RSRC1: variants seen among roughly 807,000 people sequenced by gnomAD.
RSRC1 encodes the protein arginine and serine rich coiled-coil 1, also known as serine/Arginine-related protein 53.
RSRC1 carries 39 observed loss-of-function variants against 49.1 expected under a neutral mutation model. The ratio of observed to expected loss-of-function variants is 0.79; its 90% CI spans 0.61 to 1.04. The LOEUF (loss-of-function observed/expected upper bound fraction) is 1.04. Among genes scored for constraint, RSRC1 ranks in the 50% least tolerant of loss-of-function variants. The probability of loss-of-function intolerance (pLI) is 0.00; values close to 1 mark genes in which losing one functional copy is unlikely to be tolerated. For synonymous variants in RSRC1, 143 were observed against 130.8 expected (o/e 1.09, Z -0.63); for missense variants, 388 against 402.4 (o/e 0.96, Z 0.31).
Position 158,123,986 on chromosome 3 carries a change from A to C in RSRC1, c.315A>C (p.Thr105=). Residue 105 remains threonine, a synonymous_variant, in exon 3 of 10, where the codon ACA becomes ACC. Transcript: ENST00000611884. ...AGAGGTCTAGGTCAAAAAGCAGAAC[A>C]AGAAGGTATGCCTTATTAAGTATTT... ...RVQRSRSKSR[T]RRSRSRPRLR... 6.3e-7 allele frequency: 1 copy of C among 1,594,478 alleles called. No homozygotes were observed. The highest frequency in any genetic ancestry group is 8.5e-7 in the Non-Finnish European group (1 of 1,171,138).
At chr3:158,229,189 CAT>C (rs1254326154) in intron 4 of RSRC1, among the ~76,000 whole-genome samples, 2 of 110,872 alleles carry the variant, frequency 1.8e-5, no homozygotes, top group Non-Finnish European at 4.0e-5. Flanking sequence ...TATGTGTAAA[CAT>C]ACATATATGT....
chr3:158,400,626 G>A, intron 6 of RSRC1, among the ~76,000 whole-genome samples: 1 of 151,970 alleles, frequency 6.6e-6, no homozygotes, highest in Middle Eastern at 3.2e-3. Context: ...TTGTGTCATA[G>A]TTTTTAATAA....
chr3:158,333,830 C>T (rs1729699513), intron 5 of RSRC1, among the ~76,000 whole-genome samples: 1 of 152,144 alleles, frequency 6.6e-6, no homozygotes, highest in Non-Finnish European at 1.5e-5. Flanking sequence ...TGCAGGAGAA[C>T]ACCATTCCCT....
chr3:158,422,053 A>C, intron 6 of RSRC1, among the ~76,000 whole-genome samples: 1 of 123,592 alleles, frequency 8.1e-6, no homozygotes, highest in South Asian at 3.0e-4. Flanking sequence ...AGTCGGGAGA[A>C]GTTTCAGTTT....
chr3:158,288,253 A>G (rs1313707686), intron 4 of RSRC1, among the ~76,000 whole-genome samples: 3 of 152,160 alleles, frequency 2.0e-5, no homozygotes, highest in Admixed American at 2.0e-4. Context: ...AAATACAATG[A>G]ATCCTTCAGG....
chr3:158,154,396 T>C (rs1717735432), intron 3 of RSRC1, among the ~76,000 whole-genome samples: 1 of 152,042 alleles, frequency 6.6e-6, no homozygotes, highest in African/African-American at 2.4e-5. Context: ...CTACATTGAT[T>C]GACCCTTTTT....
At chr3:158,172,031 A>G (rs1247563759) in intron 3 of RSRC1, among the ~76,000 whole-genome samples, 1 of 152,176 alleles carries the variant, frequency 6.6e-6, no homozygotes, top group Non-Finnish European at 1.5e-5. Flanking sequence ...GAAAAAAAGA[A>G]TTTAAAAACA....
intron 3 of RSRC1, among the ~76,000 whole-genome samples, chr3:158,129,234 G>A (rs779587975): frequency 3.3e-5 from 5 of 151,032 alleles, no homozygotes; most frequent in East Asian, 1.9e-4. Context: ...ATGAGATAGG[G>A]GGTTAGGTTC....
intron 3 of RSRC1, among the ~76,000 whole-genome samples, chr3:158,158,507 AT>A (rs1410357955): frequency 6.6e-6 from 1 of 152,074 alleles, no homozygotes; most frequent in African/African-American, 2.4e-5. Flanking sequence ...TTCTGCCACA[AT>A]TTTTTTCTCT....
chr3:158,515,082 CTG>C (rs1287112056), intron 7 of RSRC1, among the ~76,000 whole-genome samples: 1 of 146,868 alleles, frequency 6.8e-6, no homozygotes, highest in East Asian at 2.0e-4. Flanking sequence ...ACTTGCCAGT[CTG>C]TGTCTTTTAA....
chr3:158,371,661 A>G (rs1272141327), intron 6 of RSRC1, among the ~76,000 whole-genome samples: 1 of 151,942 alleles, frequency 6.6e-6, no homozygotes, highest in Non-Finnish European at 1.5e-5. Flanking sequence ...GAAATAAACC[A>G]TTATAACTTT....
intron 8 of RSRC1, among the ~76,000 whole-genome samples, chr3:158,540,989 A>C (rs1055507108): frequency 6.6e-6 from 1 of 152,196 alleles, no homozygotes; most frequent in African/African-American, 2.4e-5. Flanking sequence ...GTATGAGGGC[A>C]CTTTCCTGCT....
intron 6 of RSRC1, among the ~76,000 whole-genome samples, chr3:158,449,180 C>A (rs1212861512): frequency 6.6e-6 from 1 of 151,646 alleles, no homozygotes; most frequent in Non-Finnish European, 1.5e-5. Flanking sequence ...CAAATCATTT[C>A]TAGACTTGAG....
intron 1 of RSRC1, among the ~76,000 whole-genome samples, chr3:158,118,468 T>C (rs4515010): frequency 0.67 from 96,743 of 143,360 alleles, 32,746 homozygotes; most frequent in East Asian, 0.83. Context: ...TGTGTGCGCG[T>C]GCGCGTGGTT....
chr3:158,495,295 T>TG (rs1212198994), intron 7 of RSRC1, among the ~76,000 whole-genome samples: 1 of 152,134 alleles, frequency 6.6e-6, no homozygotes, highest in Non-Finnish European at 1.5e-5. Flanking sequence ...GTTTGTTTGT[T>TG]TGTTTGTTTT....
At chr3:158,122,703 G>A (rs9862337) in intron 2 of RSRC1, among the ~76,000 whole-genome samples, 108,097 of 151,888 alleles carry the variant, frequency 0.71, 39,193 homozygotes, top group African/African-American at 0.83. Context: ...TACATTAGGT[G>A]TATCTCCTAA....
At chr3:158,433,365 A>G (rs1010428562) in intron 6 of RSRC1, among the ~76,000 whole-genome samples, 1 of 151,984 alleles carries the variant, frequency 6.6e-6, no homozygotes, top group Non-Finnish European at 1.5e-5. Context: ...TTATTTTTCC[A>G]AAGGTCTCCC....
chr3:158,286,656 T>C (rs1387621437), intron 4 of RSRC1, among the ~76,000 whole-genome samples: 1 of 152,238 alleles, frequency 6.6e-6, no homozygotes, highest in African/African-American at 2.4e-5. Context: ...CCTAGCACTA[T>C]TAGATGCTTA....
At chr3:158,313,313 C>G (rs187195178) in intron 5 of RSRC1, among the ~76,000 whole-genome samples, 4 of 152,102 alleles carry the variant, frequency 2.6e-5, no homozygotes, top group African/African-American at 9.7e-5. Flanking sequence ...AGTAGGCACT[C>G]AATAAATGTT....
Sources: gnomAD v4.1 joint callset for allele counts (sites outside exome capture counted in the v4.1 genomes callset) on GRCh38, gnomAD v4.1.1 for gene constraint, MANE v1.5 for transcripts, NCBI Gene and HGNC (gene_info 2026-07-23, HGNC 2026-07-21) for gene names.